Variants in PPP2R2D observed in about 807,000 individuals in gnomAD.
The protein encoded by PPP2R2D is serine/threonine-protein phosphatase 2A 55 kDa regulatory subunit B delta isoform.
A neutral mutation model predicts 31.1 loss-of-function variants in PPP2R2D; 9 were observed. The observed-to-expected ratio is 0.29, with a 90% confidence interval of 0.17 to 0.51. The LOEUF (loss-of-function observed/expected upper bound fraction) is 0.51. Among genes scored for constraint, PPP2R2D ranks in the 20% least tolerant of loss-of-function variants. The pLI, the probability that PPP2R2D is intolerant of heterozygous loss-of-function variation, is 0.98. For synonymous variants in PPP2R2D, 179 were observed against 172.6 expected, an observed-to-expected ratio of 1.04 and a Z score of -0.29; for missense variants, 391 against 465.6, an observed-to-expected ratio of 0.84 and a Z score of 1.48.
At chr10:131,950,895 A>C (rs537612073) in intron 8 of PPP2R2D, among the ~76,000 whole-genome samples, 1 of 152,354 alleles carries the variant, frequency 6.6e-6, no homozygotes, top group South Asian at 2.1e-4. Context: ...AGCCCAAGGA[A>C]AACATTAAGA....
chr10:131,956,227 A>G lies in PPP2R2D; in HGVS notation c.*264A>G, dbSNP rs2036794444. ...CTCCCAAAAGGTCATTACTCAGAAT[A>G]AATGTATTTATTTCAGTCCGAGCCT... On this transcript the variant is annotated 3_prime_UTR_variant, in exon 9 of 9. Transcript: ENST00000455566. 8.6e-7 allele frequency: 1 copy of G among 1,169,276 alleles called. No homozygotes were observed. The highest frequency in any genetic ancestry group is 1.6e-5 in the African/African-American group (1 of 63,202). 72.4% of individuals were successfully genotyped at this position (1,169,276 alleles called of 1,614,324 possible). A position where few individuals can be genotyped will look rare whatever the true frequency, so the allele number is the denominator to read the frequency against.
chr10:131,965,769 A>G, the PPP2R2D span, among the ~76,000 whole-genome samples: 25 of 152,210 alleles, frequency 1.6e-4, no homozygotes, highest in Non-Finnish European at 2.8e-4. Context: ...AAACTGCTAC[A>G]GGTTTCCTGT....
intron 2 of PPP2R2D, among the ~76,000 whole-genome samples, chr10:131,910,178 C>G (rs1564808965): frequency 6.6e-6 from 1 of 152,194 alleles, no homozygotes. Flanking sequence ...CGTTTCTGTA[C>G]TCTCTTCCGT....
At chr10:131,942,089 C>T (rs1259797351) in intron 5 of PPP2R2D, among the ~76,000 whole-genome samples, 3 of 152,084 alleles carry the variant, frequency 2.0e-5, no homozygotes, top group Middle Eastern at 3.4e-3. Context: ...TGATGGGACC[C>T]CCGAGGGTGG....
intron 2 of PPP2R2D, among the ~76,000 whole-genome samples, chr10:131,919,376 GGC>G (rs1554893876): frequency 5.4e-5 from 6 of 111,698 alleles, no homozygotes; most frequent in South Asian, 3.4e-4. Flanking sequence ...TGGGTGGAAT[GGC>G]ACAGCGTTTG....
At position 131,944,039 on chromosome 10, in the gene PPP2R2D, A is replaced by C; in HGVS notation, c.549A>C (p.Thr183=). 6.4e-7 allele frequency: 1 copy of C among 1,574,604 alleles called. No individual in the cohort carries two copies. Among genetic ancestry groups the C allele is most frequent in the Non-Finnish European group, 8.7e-7 (1 of 1,144,010 alleles). ...SPRRIFANAH[T]YHINSISVNS... ...GGCGAATTTTTGCAAATGCTCACACATATCATATAAATTCCATTTCAGTAA... is the reference window on the plus strand; with the variant it reads ...GGCGAATTTTTGCAAATGCTCACACCTATCATATAAATTCCATTTCAGTAA... Residue 183 remains threonine, a synonymous_variant, in exon 6 of 9, where the codon ACA becomes ACC. Transcript: ENST00000455566.
chr10:131,924,830 T>G (rs901528737), intron 2 of PPP2R2D, among the ~76,000 whole-genome samples: 1 of 152,118 alleles, frequency 6.6e-6, no homozygotes, highest in Non-Finnish European at 1.5e-5. Context: ...TTTAATTTTT[T>G]TTTTTACAAT....
the PPP2R2D span, among the ~76,000 whole-genome samples, chr10:131,966,188 G>A: frequency 1.3e-3 from 196 of 152,210 alleles, no homozygotes; most frequent in Admixed American, 2.6e-3. Flanking sequence ...GCAACGTGTC[G>A]GCGTCACGTT....
intron 2 of PPP2R2D, among the ~76,000 whole-genome samples, chr10:131,924,680 G>C (rs774448857): frequency 2.7e-5 from 4 of 148,790 alleles, no homozygotes; most frequent in Non-Finnish European, 5.9e-5. Context: ...TCTAGAATTA[G>C]TTTGGCAATT....
chr10:131,957,822 G>T lies in PPP2R2D; in HGVS notation c.*1859G>T, dbSNP rs2036836978. 3 of 164,236 alleles carry T rather than the reference G, an allele frequency of 1.8e-5. No individual in the cohort carries two copies. In the Admixed American group the frequency reaches 2.0e-4, roughly 11 times the overall value. 10.2% of individuals were successfully genotyped at this position (164,236 alleles called of 1,614,324 possible). On this transcript the variant is annotated 3_prime_UTR_variant, in exon 9 of 9. Transcript: ENST00000455566. ...TCCCCATCCCCCTGTGGAGATGAAG[G>T]TGTGTGCTGATCCCCCATCCCCATG...
In PPP2R2D at chr10:131,947,115, T is replaced by TAAA. The variant is rs2036557346; in HGVS notation, c.821-414_821-413insAAA. ...GTGTCTTCCTGTGATGTGTATGCGA[T>TAAA]AGAATTTCACGTGCTCGGGCCTGGT... On this transcript the variant is annotated intron_variant, in intron 7 of 8. Coordinates refer to ENST00000455566, the MANE Select transcript of PPP2R2D (RefSeq NM_018461.5). This position sits in a 1 kb window ranked among gnomAD's most constrained non-coding sequence, Gnocchi z 4.3. Among the ~76,000 whole-genome samples the TAAA allele has an allele frequency of 6.6e-6, 1 of 152,176 alleles. No homozygotes were observed. Among genetic ancestry groups the TAAA allele is most frequent in the African/African-American group, 2.4e-5 (1 of 41,452 alleles).
chr10:131,932,051 CG>C (rs2036240445), intron 2 of PPP2R2D, among the ~76,000 whole-genome samples: 1 of 103,546 alleles, frequency 9.7e-6, no homozygotes. Context: ...GACACCTGGG[CG>C]GGGGTGGGAG....
intron 2 of PPP2R2D, among the ~76,000 whole-genome samples, chr10:131,927,518 T>TGCTGCAGAATGGAATACCTGCAGAGGGCA (rs1554895100): frequency 3.9e-5 from 6 of 152,120 alleles, no homozygotes; most frequent in Non-Finnish European, 7.4e-5. Context: ...GGATGATGTT[T>TGCTGCAGAATGGAATACCTGCAGAGGGCA]GCTGCAGAAT....
intron 2 of PPP2R2D, among the ~76,000 whole-genome samples, chr10:131,927,695 C>T (rs1215701972): frequency 2.6e-5 from 4 of 152,184 alleles, no homozygotes; most frequent in African/African-American, 4.8e-5. Flanking sequence ...TCGGACACCC[C>T]GTTCTTGAAT....
rs1554896156 is a variant in PPP2R2D, at chr10:131,934,451, T to C, written c.101-7T>C. On this transcript the variant is annotated splice_polypyrimidine_tract_variant and splice_region_variant and intron_variant, in intron 2 of 8. Coordinates refer to ENST00000455566, the MANE Select transcript of PPP2R2D (RefSeq NM_018461.5). ...TCCGGTAAATCGCTTCTGTATTTTG[T>C]TGACAGCGGACATCATTTCCACCGT... 1 of 773,464 alleles carries C rather than the reference T, an allele frequency of 1.3e-6. No individual in the cohort carries two copies. 47.9% of individuals were successfully genotyped at this position (773,464 alleles called of 1,614,324 possible).
At chr10:131,960,469 G>A (rs781982346), downstream of PPP2R2D, among the ~76,000 whole-genome samples, 3 of 152,136 alleles carry the variant, frequency 2.0e-5, no homozygotes, top group Non-Finnish European at 2.9e-5. Context: ...TGATGCCCTC[G>A]TGGACAGACT....
At chr10:131,918,692 C>T (rs112410930) in intron 2 of PPP2R2D, among the ~76,000 whole-genome samples, 7 of 112,712 alleles carry the variant, frequency 6.2e-5, no homozygotes, top group African/African-American at 1.8e-4. Flanking sequence ...AGGGACCTCA[C>T]GCGGGTGGAA....
chr10:131,927,652 C>T (rs935055316), intron 2 of PPP2R2D, among the ~76,000 whole-genome samples: 1 of 152,166 alleles, frequency 6.6e-6, no homozygotes, highest in African/African-American at 2.4e-5. Context: ...TCCCTCCCTC[C>T]GGGGCAGCTC....
chr10:131,971,081 G>T, the PPP2R2D span: 1 of 979,230 alleles, frequency 1.0e-6, no homozygotes, highest in Non-Finnish European at 1.5e-6. Context: ...GAGCCCAGAG[G>T]CACATGTCAG....
Sources: allele counts gnomAD v4.1 joint callset (sites outside exome capture counted in the v4.1 genomes callset), GRCh38; gene constraint gnomAD v4.1.1; non-coding constraint Gnocchi (gnomAD v3.1); transcripts MANE v1.5; gene names NCBI Gene and HGNC (gene_info 2026-07-23, HGNC 2026-07-21).